The following KCNIP1 variants were observed in gnomAD, a reference collection of about 807,000 sequenced individuals.
The protein encoded by KCNIP1 is A-type potassium channel modulatory protein KCNIP1.
Under a neutral mutation model 33.0 loss-of-function variants are expected in KCNIP1, and 18 were observed. The observed-to-expected ratio is 0.55, with a 90% CI of 0.38 to 0.81. The LOEUF (loss-of-function observed/expected upper bound fraction) is 0.81. KCNIP1 is among the 30% of genes least tolerant of loss of function. KCNIP1 has a pLI of 0.00. For missense variants in KCNIP1, 238 were observed against 271.6 expected, an observed-to-expected ratio of 0.88 and a Z score of 0.87; for synonymous variants, 93 against 98.3, an observed-to-expected ratio of 0.95 and a Z score of 0.32.
intron 1 of KCNIP1, among the ~76,000 whole-genome samples, chr5:170,669,030 C>A (rs1761817007): frequency 1.3e-5 from 2 of 152,230 alleles, no homozygotes; most frequent in Admixed American, 1.3e-4. Flanking sequence ...CCCCACAGCC[C>A]TCCTGCTTCT....
At chr5:170,425,750 G>A (rs546649305) in intron 1 of KCNIP1, among the ~76,000 whole-genome samples, 1 of 152,322 alleles carries the variant, frequency 6.6e-6, no homozygotes, top group Admixed American at 6.5e-5. Flanking sequence ...GACCTCTCCA[G>A]GTGAGGGCTC....
chr5:170,654,224 G>GCTCAGCATT (rs1331058158), intron 1 of KCNIP1, among the ~76,000 whole-genome samples: 1 of 152,146 alleles, frequency 6.6e-6, no homozygotes, highest in Non-Finnish European at 1.5e-5. Context: ...CTGCTGTGGA[G>GCTCAGCATT]GATCCATGCC....
intron 3 of KCNIP1, 82 bp from the exon 4 acceptor site, chr5:170,721,751 G>T: frequency 1.2e-6 from 2 of 1,614,004 alleles, no homozygotes; most frequent in Non-Finnish European, 1.7e-6. Context: ...TCTCTTTCTT[G>T]TCGAAGCCCT....
chr5:170,574,195 T>C (rs55967467), intron 1 of KCNIP1, among the ~76,000 whole-genome samples: 7,826 of 152,300 alleles, frequency 0.051, 215 homozygotes, highest in South Asian at 0.079. Context: ...ATTGCAACTT[T>C]ATTAAGTGAA....
At chr5:170,513,400 T>G (rs764606194) in intron 1 of KCNIP1, among the ~76,000 whole-genome samples, 12 of 152,296 alleles carry the variant, frequency 7.9e-5, no homozygotes, top group Non-Finnish European at 1.5e-4. Context: ...TTTGCATTTC[T>G]GCAATCAAGC....
chr5:170,524,891 G>C (rs1317606747), intron 1 of KCNIP1, among the ~76,000 whole-genome samples: 1 of 152,174 alleles, frequency 6.6e-6, no homozygotes, highest in Non-Finnish European at 1.5e-5. Flanking sequence ...GGGCTGACTA[G>C]TGGTGAGAGG....
intron 1 of KCNIP1, among the ~76,000 whole-genome samples, chr5:170,428,479 A>T (rs1040278079): frequency 3.3e-5 from 5 of 151,974 alleles, no homozygotes; most frequent in African/African-American, 1.2e-4. Context: ...AACAACAAGG[A>T]ACATAATATC....
chr5:170,498,017 C>T (rs1757343972), intron 1 of KCNIP1, among the ~76,000 whole-genome samples: 1 of 152,262 alleles, frequency 6.6e-6, no homozygotes, highest in South Asian at 2.1e-4. Flanking sequence ...CCCTCCAGAA[C>T]ATGATCAACC....
At chr5:170,406,474 A>G (rs1044900444) in intron 1 of KCNIP1, among the ~76,000 whole-genome samples, 3 of 152,202 alleles carry the variant, frequency 2.0e-5, no homozygotes, top group Non-Finnish European at 2.9e-5. Flanking sequence ...AATAACCCAT[A>G]CAGGGTTATT....
At chr5:170,666,230 T>C (rs1761696760) in intron 1 of KCNIP1, among the ~76,000 whole-genome samples, 1 of 152,248 alleles carries the variant, frequency 6.6e-6, no homozygotes, top group African/African-American at 2.4e-5. Flanking sequence ...GTATTTTACT[T>C]CTTTTCTTGC....
intron 1 of KCNIP1, among the ~76,000 whole-genome samples, chr5:170,512,732 G>A (rs1330121202): frequency 2.0e-5 from 3 of 152,142 alleles, no homozygotes; most frequent in African/African-American, 7.2e-5. Flanking sequence ...AACAGCCTCA[G>A]CATCAGTTGG....
intron 1 of KCNIP1, among the ~76,000 whole-genome samples, chr5:170,371,500 T>C (rs907612669): frequency 6.6e-6 from 1 of 152,124 alleles, no homozygotes; most frequent in Non-Finnish European, 1.5e-5. Context: ...GTGGTTAGAG[T>C]GTTTTCTGGA....
intron 1 of KCNIP1, among the ~76,000 whole-genome samples, chr5:170,647,500 G>A (rs1307092642): frequency 6.6e-6 from 1 of 151,522 alleles, no homozygotes; most frequent in Non-Finnish European, 1.5e-5. Flanking sequence ...CTTTGACAAA[G>A]GAACAGAGGC....
At chr5:170,390,517 A>AAAAAATATATAT in intron 1 of KCNIP1, among the ~76,000 whole-genome samples, 4 of 74,542 alleles carry the variant, frequency 5.4e-5, no homozygotes, top group African/African-American at 1.9e-4. Context: ...AAAAAAAACA[A>AAAAAATATATAT]ATATATATAT....
At chr5:170,472,951 G>A (rs1756770692) in intron 1 of KCNIP1, among the ~76,000 whole-genome samples, 1 of 152,220 alleles carries the variant, frequency 6.6e-6, no homozygotes, top group South Asian at 2.1e-4. Flanking sequence ...ATACCCAGTA[G>A]TGGGATTGCT....
At chr5:170,391,047 C>T (rs1480891417) in intron 1 of KCNIP1, among the ~76,000 whole-genome samples, 1 of 152,156 alleles carries the variant, frequency 6.6e-6, no homozygotes, top group Non-Finnish European at 1.5e-5. Flanking sequence ...TTAATGGGCA[C>T]CATAGCACCA....
rs560664882 is a variant in KCNIP1 at position 170,719,865 on chromosome 5, G to C, written c.187-456G>C. 1.1e-4 allele frequency among the ~76,000 whole-genome samples: 16 copies of C among 152,308 alleles called. No individual in the cohort carries two copies. In the East Asian group the frequency reaches 2.9e-3, roughly 28 times the overall value. The stretch of plus-strand genomic sequence containing the variant: ...AAGGATCCTGTGGGAAAGTTTTCCA[G>C]GCAGGCACTGGGCTCAGAGGGAACA... On this transcript the variant is annotated intron_variant, in intron 2 of 7. Coordinates refer to ENST00000328939, the MANE Select transcript of KCNIP1 (RefSeq NM_014592.4).
intron 1 of KCNIP1, among the ~76,000 whole-genome samples, chr5:170,448,489 G>A (rs970768942): frequency 2.0e-5 from 3 of 152,248 alleles, no homozygotes; most frequent in African/African-American, 7.2e-5. Flanking sequence ...CTTACTCCCT[G>A]GGGGAAGTGT....
chr5:170,565,905 A>G (rs1470551665), intron 1 of KCNIP1, among the ~76,000 whole-genome samples: 1 of 152,240 alleles, frequency 6.6e-6, no homozygotes, highest in Non-Finnish European at 1.5e-5. Context: ...TATGTAGGGA[A>G]ATGACAAAAA....
Sources: allele counts gnomAD v4.1 joint callset (sites outside exome capture counted in the v4.1 genomes callset), GRCh38; gene constraint gnomAD v4.1.1; transcripts MANE v1.5; gene names NCBI Gene and HGNC (gene_info 2026-07-23, HGNC 2026-07-21).